The following C3orf18 variants were observed in gnomAD, a reference collection of about 807,000 sequenced individuals.
C3orf18 encodes uncharacterized protein C3orf18.
In C3orf18, 12 loss-of-function variants were observed where a neutral mutation model predicts 14.1. That is an observed-to-expected ratio of 0.85 (90% CI 0.55 to 1.38). C3orf18 has a LOEUF of 1.38. Among genes scored for constraint, C3orf18 ranks in the 40% most tolerant of loss-of-function variants. C3orf18 has a pLI of 0.00. For synonymous variants in C3orf18, 82 were observed against 87.9 expected, an observed-to-expected ratio of 0.93 and a Z score of 0.38; for missense variants, 196 against 213.9, an observed-to-expected ratio of 0.92 and a Z score of 0.52.
upstream of C3orf18, among the ~76,000 whole-genome samples, chr3:50,572,663 C>T (rs1701139089): frequency 6.6e-6 from 1 of 152,234 alleles, no homozygotes; most frequent in Non-Finnish European, 1.5e-5. Context: ...CATCTCTGGG[C>T]CCAGATGATG....
At chr3:50,571,353 G>C (rs1252800927), upstream of C3orf18, 16 of 1,538,538 alleles carry the variant, frequency 1.0e-5, no homozygotes, top group Non-Finnish European at 1.3e-5. Context: ...GTGTTGTCAA[G>C]AGGACAGGAA....
upstream of C3orf18, among the ~76,000 whole-genome samples, chr3:50,568,210 G>A (rs1700488052): frequency 6.6e-6 from 1 of 152,160 alleles, no homozygotes; most frequent in Non-Finnish European, 1.5e-5. Context: ...CAGAAGTTGA[G>A]AGTGGGGTGG....
At chr3:50,564,900 C>T (rs1335694420) in intron 3 of C3orf18, among the ~76,000 whole-genome samples, 1 of 152,212 alleles carries the variant, frequency 6.6e-6, no homozygotes, top group Non-Finnish European at 1.5e-5. Context: ...AACTTTTGCC[C>T]ATCAGGACTC....
upstream of C3orf18, among the ~76,000 whole-genome samples, chr3:50,573,443 A>G (rs1291083121): frequency 6.6e-6 from 1 of 152,248 alleles, no homozygotes; most frequent in East Asian, 1.9e-4. Flanking sequence ...GGGTCAGGGC[A>G]TGGTGACTTT....
intron 3 of C3orf18, chr3:50,562,432 C>T (rs1279424943): frequency 6.6e-6 from 3 of 454,306 alleles, no homozygotes; most frequent in Non-Finnish European, 8.8e-6. Context: ...CTCCCCTCAA[C>T]TCTTCCCAGG....
Position 50,559,741 on chromosome 3 carries a change from C to T in C3orf18, c.409-4G>A, listed in dbSNP as rs746113718. Reference sequence around the variant, plus strand: ...GGCCCTGGGAGGGCAGAGTAGTCTGCAGGAAGACAGGCAGGGGCATCAGAG... The same window carrying T: ...GGCCCTGGGAGGGCAGAGTAGTCTGTAGGAAGACAGGCAGGGGCATCAGAG... On this transcript the variant is annotated splice_polypyrimidine_tract_variant and splice_region_variant and intron_variant, in intron 5 of 5. Coordinates refer to ENST00000357203, the MANE Select transcript of C3orf18 (RefSeq NM_016210.5). 1 of 1,570,130 alleles carries T rather than the reference C, an allele frequency of 6.4e-7. No homozygotes were observed. The highest frequency in any genetic ancestry group is 1.2e-5 in the South Asian group (1 of 85,044).
At chr3:50,571,581 C>T (rs367598575), upstream of C3orf18, 2 of 897,888 alleles carry the variant, frequency 2.2e-6, no homozygotes, top group African/African-American at 3.3e-5. Flanking sequence ...GATGCTGCCC[C>T]CTCTGGGCCC....
chr3:50,561,025 G>C lies in C3orf18; in HGVS notation c.300C>G (p.Asn100Lys). Residue 100 changes from asparagine (N) to lysine (K), a missense_variant, in exon 5 of 6, where the codon AAC becomes AAG. Coordinates refer to ENST00000357203, the MANE Select transcript of C3orf18 (RefSeq NM_016210.5). The part of the protein sequence containing the change: ...KLRHQLMPMY[N>K]FDPTEEQDEL... Reference sequence around the variant, plus strand: ...CATCTTGTTCCTCCGTGGGGTCGAAGTTGTACATGGGCATGAGCTGGTGGC... The same window carrying C: ...CATCTTGTTCCTCCGTGGGGTCGAACTTGTACATGGGCATGAGCTGGTGGC... The C allele has an allele frequency of 3.1e-6, 5 of 1,614,204 alleles. No homozygotes were observed. Among genetic ancestry groups the C allele is most frequent in the Non-Finnish European group, 4.2e-6 (5 of 1,180,000 alleles).
chr3:50,573,243 C>CT (rs1559455391), upstream of C3orf18, among the ~76,000 whole-genome samples: 2 of 152,174 alleles, frequency 1.3e-5, no homozygotes, highest in Non-Finnish European at 2.9e-5. Flanking sequence ...CGTGGACTTC[C>CT]TGACTCCCAG....
upstream of C3orf18, chr3:50,572,084 C>A (rs563405681): frequency 4.3e-6 from 7 of 1,612,242 alleles, no homozygotes; most frequent in East Asian, 1.1e-4. Flanking sequence ...TAGCTCTGTC[C>A]CTGATGACCA....
In C3orf18 at chr3:50,561,020, TCGA is replaced by T; in HGVS notation, c.302_304del (p.Phe101_Asp102delinsTyr). On this transcript the variant is annotated inframe_deletion, in exon 5 of 6. Transcript: ENST00000357203. Reference sequence around the variant, plus strand: ...CAACTCATCTTGTTCCTCCGTGGGGTCGAAGTTGTACATGGGCATGAGCTGGTG... The same window carrying T: ...CAACTCATCTTGTTCCTCCGTGGGGTAGTTGTACATGGGCATGAGCTGGTG... 5 of 1,613,932 alleles carry T rather than the reference TCGA, an allele frequency of 3.1e-6. No homozygotes were observed. Among genetic ancestry groups the T allele is most frequent in the Non-Finnish European group, 4.2e-6 (5 of 1,179,932 alleles).
At chr3:50,562,464 A>G in intron 3 of C3orf18, 1 of 454,456 alleles carries the variant, frequency 2.2e-6, no homozygotes, top group South Asian at 1.6e-5. Context: ...ATGCAGGCAA[A>G]AAGTAAAGGG....
At chr3:50,563,183 A>G (rs1357871639) in intron 3 of C3orf18, among the ~76,000 whole-genome samples, 1 of 152,126 alleles carries the variant, frequency 6.6e-6, no homozygotes, top group Non-Finnish European at 1.5e-5. Context: ...AAACTAGGGT[A>G]TCAATCCTCA....
At chr3:50,571,678 G>A (rs570403349), upstream of C3orf18, 7 of 1,607,462 alleles carry the variant, frequency 4.4e-6, no homozygotes, top group South Asian at 7.7e-5. Context: ...TGGGCCCAGT[G>A]AGCCAGCCAC....
At position 50,558,391 on chromosome 3, in the gene C3orf18, A is replaced by G. The variant is rs1369238395; in HGVS notation, c.*1266T>C. 3.7e-5 allele frequency: 10 copies of G among 271,378 alleles called. No homozygotes were observed. In the East Asian group the frequency reaches 5.0e-4, roughly 14 times the overall value. The allele number at this position is 271,378 out of a possible 1,614,324, so 16.8% of individuals were successfully genotyped here. ...TGCTCTTGTGGTCTGTCTCTGCCCA[A>G]TGGCTTGCCAGGACCCCTGGTATCA... On this transcript the variant is annotated 3_prime_UTR_variant, in exon 6 of 6. Transcript: ENST00000357203.
chr3:50,559,223 CCA>C lies in C3orf18; in HGVS notation c.*432_*433del, dbSNP rs1256514749. On this transcript the variant is annotated 3_prime_UTR_variant, in exon 6 of 6. Coordinates refer to ENST00000357203, the MANE Select transcript of C3orf18 (RefSeq NM_016210.5). ...ACTTGGGTGGTTTCCTCTCCCCACC[CCA>C]GAGGAGGCTCCAGATTCCAAAAAAC... 7.8e-7 allele frequency: 1 copy of C among 1,285,074 alleles called. No individual in the cohort carries two copies. Among genetic ancestry groups the C allele is most frequent in the Non-Finnish European group, 1.0e-6 (1 of 987,260 alleles). 79.6% of individuals were successfully genotyped at this position (1,285,074 alleles called of 1,614,324 possible).
intron 3 of C3orf18, among the ~76,000 whole-genome samples, chr3:50,562,145 G>C (rs540862946): frequency 3.9e-5 from 6 of 152,020 alleles, no homozygotes; most frequent in Non-Finnish European, 8.8e-5. Flanking sequence ...TGATCCACCC[G>C]CCTCGGCCTC....
At chr3:50,559,957 G>C (rs1037287646) in intron 5 of C3orf18, among the ~76,000 whole-genome samples, 1 of 152,234 alleles carries the variant, frequency 6.6e-6, no homozygotes, top group African/African-American at 2.4e-5. Context: ...TTACTGTGTT[G>C]ATTTAATTAT....
chr3:50,562,364 A>G (rs549847960), intron 3 of C3orf18: 14 of 410,190 alleles, frequency 3.4e-5, no homozygotes, highest in Non-Finnish European at 5.8e-5. Context: ...CCAGCCACTC[A>G]GCACCTGCCT....
Sources: allele counts gnomAD v4.1 joint callset (sites outside exome capture counted in the v4.1 genomes callset), GRCh38; gene constraint gnomAD v4.1.1; transcripts MANE v1.5; gene names NCBI Gene and HGNC (gene_info 2026-07-23, HGNC 2026-07-21).